MDGA2: variants seen among roughly 807,000 people sequenced by gnomAD.
MDGA2 encodes MAM domain-containing glycosylphosphatidylinositol anchor protein 2.
Under a neutral mutation model 117.8 loss-of-function variants are expected in MDGA2, and 40 were observed. The observed-to-expected ratio is 0.34, with a 90% CI of 0.26 to 0.44. The LOEUF (loss-of-function observed/expected upper bound fraction) is 0.44, where lower values mean the gene tolerates loss of function less well. Among genes scored for constraint, MDGA2 ranks in the 20% least tolerant of loss-of-function variants. The pLI is 1.00. For missense variants in MDGA2, 1,123 were observed against 1,250.6 expected (o/e 0.90, Z 1.54); for synonymous variants, 452 against 439.0 (o/e 1.03, Z -0.37).
intron 1 of MDGA2, among the ~76,000 whole-genome samples, chr14:47,591,838 C>G (rs1245352028): frequency 6.6e-6 from 1 of 152,034 alleles, no homozygotes; most frequent in African/African-American, 2.4e-5. Context: ...ATTGAATGGG[C>G]AAAAGCTAAA....
At chr14:47,067,608 C>A (rs1890132880) in intron 6 of MDGA2, among the ~76,000 whole-genome samples, 1 of 152,130 alleles carries the variant, frequency 6.6e-6, no homozygotes, top group African/African-American at 2.4e-5. Flanking sequence ...TTCTTTCCAA[C>A]CAACAATTTA....
chr14:47,477,881 T>C (rs1002895619), intron 1 of MDGA2, among the ~76,000 whole-genome samples: 4 of 152,162 alleles, frequency 2.6e-5, no homozygotes, highest in Admixed American at 1.3e-4. Flanking sequence ...CTTTCTTTTA[T>C]AGAGGAGAAA....
At chr14:46,979,577 T>C (rs1425381987) in intron 8 of MDGA2, among the ~76,000 whole-genome samples, 4 of 152,124 alleles carry the variant, frequency 2.6e-5, no homozygotes, top group Admixed American at 1.3e-4. Context: ...ACAAAAATGA[T>C]AAAAAGGCAA....
At chr14:47,432,592 CA>C (rs1200594498) in intron 1 of MDGA2, among the ~76,000 whole-genome samples, 1 of 151,920 alleles carries the variant, frequency 6.6e-6, no homozygotes, top group Non-Finnish European at 1.5e-5. Context: ...CTTATATGAA[CA>C]AAGGCCTTAT....
At chr14:47,081,790 T>A (rs903119544) in intron 6 of MDGA2, among the ~76,000 whole-genome samples, 12 of 152,164 alleles carry the variant, frequency 7.9e-5, no homozygotes, top group Non-Finnish European at 1.3e-4. Flanking sequence ...ATTGTGAATT[T>A]ATTGCTCAAT....
At chr14:46,877,624 G>A (rs755968210) in intron 11 of MDGA2, 115 bp from the exon 12 acceptor site, 30 of 650,170 alleles carry the variant, frequency 4.6e-5, no homozygotes, top group Non-Finnish European at 6.6e-5. Flanking sequence ...AAAACTTAAT[G>A]ATCTTTCCCA....
chr14:47,102,399 A>G (rs1166428265), intron 5 of MDGA2, among the ~76,000 whole-genome samples: 2 of 151,694 alleles, frequency 1.3e-5, no homozygotes, highest in East Asian at 1.9e-4. Flanking sequence ...ACACAAACAC[A>G]CACACACACA....
At chr14:47,386,210 G>A (rs981899516) in intron 1 of MDGA2, among the ~76,000 whole-genome samples, 4 of 152,034 alleles carry the variant, frequency 2.6e-5, no homozygotes, top group African/African-American at 9.7e-5. Flanking sequence ...TGAACACGGA[G>A]GCGGAAGTTG....
intron 2 of MDGA2, among the ~76,000 whole-genome samples, chr14:47,252,932 G>A (rs1481283851): frequency 6.6e-6 from 1 of 152,114 alleles, no homozygotes; most frequent in African/African-American, 2.4e-5. Flanking sequence ...CATGGCAGAA[G>A]GCGAAGCAAA....
At chr14:47,548,622 T>A (rs1566509717) in intron 1 of MDGA2, among the ~76,000 whole-genome samples, 1 of 152,158 alleles carries the variant, frequency 6.6e-6, no homozygotes, top group Non-Finnish European at 1.5e-5. Flanking sequence ...ATTGGAGGTG[T>A]GTTTTCAAAA....
chr14:46,953,812 A>G (rs922624245), intron 9 of MDGA2, among the ~76,000 whole-genome samples: 1 of 152,074 alleles, frequency 6.6e-6, no homozygotes, highest in Non-Finnish European at 1.5e-5. Flanking sequence ...ATCAATTAGA[A>G]CAATTTGAAA....
chr14:47,498,364 T>C (rs1442523346), intron 1 of MDGA2, among the ~76,000 whole-genome samples: 2 of 152,214 alleles, frequency 1.3e-5, no homozygotes, highest in African/African-American at 2.4e-5. Flanking sequence ...TGAGCTAATA[T>C]TCCTACAACA....
intron 9 of MDGA2, among the ~76,000 whole-genome samples, chr14:46,945,767 G>A (rs771219315): frequency 3.9e-5 from 6 of 152,042 alleles, no homozygotes. Flanking sequence ...CCTCTCACAG[G>A]AAATGCAGCC....
chr14:47,395,952 C>T (rs1891998433), intron 1 of MDGA2, among the ~76,000 whole-genome samples: 1 of 152,056 alleles, frequency 6.6e-6, no homozygotes, highest in Non-Finnish European at 1.5e-5. Context: ...TCGTGTGTAG[C>T]AAGCATGAAA....
At chr14:47,104,305 C>T (rs1028874844) in intron 5 of MDGA2, among the ~76,000 whole-genome samples, 1 of 151,254 alleles carries the variant, frequency 6.6e-6, no homozygotes, top group Admixed American at 6.6e-5. Flanking sequence ...ATATGCCTTG[C>T]CCCACCTTAA....
At chr14:47,651,241 TGTGTGTGTGTA>T (rs1566559289) in intron 1 of MDGA2, among the ~76,000 whole-genome samples, 10 of 151,796 alleles carry the variant, frequency 6.6e-5, no homozygotes, top group Non-Finnish European at 1.3e-4. Context: ...TGTGTGTGTG[TGTGTGTGTGTA>T]TACCCATAAA....
chr14:47,641,597 G>A lies in MDGA2; in HGVS notation c.280+32920C>T, dbSNP rs1047264755. Among the ~76,000 whole-genome samples the A allele has an allele frequency of 4.6e-5, 7 of 152,154 alleles. No individual in the cohort carries two copies. The Middle Eastern group carries it at 0.01, about 222-fold the overall frequency. On this transcript the variant is annotated intron_variant, in intron 1 of 16. Transcript: ENST00000399232. ...TGGCCAGGAGTTCAAAAGTCCAGAC[G>A]AGAGCCAATAAGAAATCAAAAGAAA...
chr14:47,606,805 G>A (rs1006411601), intron 1 of MDGA2, among the ~76,000 whole-genome samples: 4 of 152,088 alleles, frequency 2.6e-5, no homozygotes, highest in African/African-American at 7.2e-5. Flanking sequence ...GAAATGCCTC[G>A]CTCCATGAAG....
chr14:47,367,520 C>T (rs1325222208), intron 1 of MDGA2, among the ~76,000 whole-genome samples: 1 of 152,178 alleles, frequency 6.6e-6, no homozygotes, highest in African/African-American at 2.4e-5. Context: ...AATACTGTTT[C>T]GCAGGTAACC....
Sources: gnomAD v4.1 joint callset for allele counts (sites outside exome capture counted in the v4.1 genomes callset) on GRCh38, gnomAD v4.1.1 for gene constraint, MANE v1.5 for transcripts, NCBI Gene and HGNC (gene_info 2026-07-23, HGNC 2026-07-21) for gene names.